Variants in SLC12A7 observed in about 807,000 individuals in gnomAD.
SLC12A7 encodes the protein solute carrier family 12 member 7.
Under a neutral mutation model 120.6 loss-of-function variants are expected in SLC12A7, and 100 were observed. The ratio of observed to expected loss-of-function variants is 0.83; its 90% CI spans 0.71 to 0.98. SLC12A7 has a LOEUF of 0.98. Ranked by LOEUF, SLC12A7 falls within the 50% of genes least tolerant of loss-of-function variation. The pLI is 0.00. For synonymous variants in SLC12A7, 760 were observed against 678.0 expected (o/e 1.12, Z -1.88); for missense variants, 1,373 against 1,548.1 (o/e 0.89, Z 1.90).
chr5:1,097,619 C>T (rs761277761), intron 1 of SLC12A7, among the ~76,000 whole-genome samples: 6 of 152,316 alleles, frequency 3.9e-5, no homozygotes, highest in South Asian at 2.1e-4. Context: ...CAGCGAGGCA[C>T]GACTCTGTCC....
Position 1,050,938 on chromosome 5 carries a change from A to T in SLC12A7, c.*1422T>A, listed in dbSNP as rs1325488281. ...TGTTGATGGGGCTGATTCCCTTGGGAGACCATGCAAGCCAGACGTAGCCCA... is the reference window on the plus strand; with the variant it reads ...TGTTGATGGGGCTGATTCCCTTGGGTGACCATGCAAGCCAGACGTAGCCCA... On this transcript the variant is annotated 3_prime_UTR_variant, in exon 24 of 24. Coordinates refer to ENST00000264930, the MANE Select transcript of SLC12A7 (RefSeq NM_006598.3). The T allele has an allele frequency of 5.0e-6, 2 of 398,524 alleles. No homozygotes were observed. The highest frequency in any genetic ancestry group is 7.1e-5 in the East Asian group (2 of 28,100). 24.7% of individuals were successfully genotyped at this position (398,524 alleles called of 1,614,324 possible). A position where few individuals can be genotyped will look rare whatever the true frequency, so the allele number is the denominator to read the frequency against.
chr5:1,126,349 A>T, the SLC12A7 span, among the ~76,000 whole-genome samples: 1 of 152,216 alleles, frequency 6.6e-6, no homozygotes, highest in Non-Finnish European at 1.5e-5. Context: ...TCGGCCTCCC[A>T]AAGTGCTGGG....
intron 14 of SLC12A7, 72 bp from the exon 15 acceptor site, chr5:1,075,562 G>A: frequency 6.5e-7 from 1 of 1,541,556 alleles, no homozygotes; most frequent in Non-Finnish European, 8.8e-7. Context: ...CCACCACACG[G>A]ACACTGCCCC....
At chr5:1,112,970 T>C (rs1160006774), upstream of SLC12A7, among the ~76,000 whole-genome samples, 3 of 147,220 alleles carry the variant, frequency 2.0e-5, no homozygotes, top group East Asian at 6.3e-4. Flanking sequence ...GAACCCTCCC[T>C]TCCCTCCTTG....
intron 23 of SLC12A7, among the ~76,000 whole-genome samples, chr5:1,053,126 C>T (rs556494075): frequency 1.9e-4 from 29 of 152,174 alleles, no homozygotes; most frequent in Non-Finnish European, 3.2e-4. Context: ...GTACTGTAGG[C>T]GGGCCCTCCC....
At position 1,079,334 on chromosome 5, in the gene SLC12A7, G is replaced by A. The variant is rs1738735737; in HGVS notation, c.1396+64C>T. ...GCCGAGGGTATGATGCTGAGCCGGGGAGGGCATGGGGGCCTCCCCCCAGGC... is the reference window on the plus strand; with the variant it reads ...GCCGAGGGTATGATGCTGAGCCGGGAAGGGCATGGGGGCCTCCCCCCAGGC... On this transcript the variant is annotated intron_variant, in intron 10 of 23. Coordinates refer to ENST00000264930, the MANE Select transcript of SLC12A7 (RefSeq NM_006598.3). 5 of 1,283,820 alleles carry A rather than the reference G, an allele frequency of 3.9e-6. No homozygotes were observed. In the South Asian group the frequency reaches 6.0e-5, roughly 15 times the overall value. The allele number at this position is 1,283,820 out of a possible 1,614,324, so 79.5% of individuals were successfully genotyped here.
In SLC12A7 at chr5:1,060,393, G is replaced by T; in HGVS notation, c.2798C>A (p.Ser933Ter). The change falls in exon 21 of 24, where the codon TCG becomes TAG. Residue 933 changes from serine to a stop codon, truncating the protein, a stop_gained. Transcript: ENST00000264930. LOFTEE classifies it high-confidence loss of function. Reference protein sequence around the residue: ...YERTLMMEQRSQMLKQMQLSK... With the variant: ...YERTLMMEQR ...CAGCTGCATCTGCTTCAGCATCTGC[G>T]ACCTCTGCTCCATCATTAGTGTCCT... The T allele has an allele frequency of 6.2e-7, 1 of 1,613,736 alleles. No individual in the cohort carries two copies. The highest frequency in any genetic ancestry group is 8.5e-7 in the Non-Finnish European group (1 of 1,179,958).
chr5:1,090,007 C>T (rs185159452), intron 3 of SLC12A7, among the ~76,000 whole-genome samples: 25 of 152,350 alleles, frequency 1.6e-4, no homozygotes, highest in Admixed American at 7.2e-4. Context: ...AAGGTCAATA[C>T]GGAAAAGGGG....
At chr5:1,057,217 T>C (rs2150779566) in intron 22 of SLC12A7, 1 of 459,108 alleles carries the variant, frequency 2.2e-6, no homozygotes. Context: ...GGCACCCAGG[T>C]CTTACAAGGA....
At chr5:1,109,490 G>A (rs750777485) in intron 1 of SLC12A7, among the ~76,000 whole-genome samples, 1 of 152,234 alleles carries the variant, frequency 6.6e-6, no homozygotes, top group Non-Finnish European at 1.5e-5. Context: ...CCCAAGAAGT[G>A]CTGAGGGCAC....
At chr5:1,075,284 C>T in intron 15 of SLC12A7, 87 bp downstream of exon 15, 2 of 1,519,832 alleles carry the variant, frequency 1.3e-6, no homozygotes, top group African/African-American at 1.4e-5. Context: ...CCCAGGGAGG[C>T]CCCTCCAGGG....
intron 3 of SLC12A7, among the ~76,000 whole-genome samples, chr5:1,092,897 C>T (rs1740680008): frequency 6.6e-6 from 1 of 152,186 alleles, no homozygotes; most frequent in African/African-American, 2.4e-5. Context: ...CTGTGAGCGT[C>T]ACCTCAGGGC....
At chr5:1,086,693 G>C (rs1255205225) in intron 6 of SLC12A7, among the ~76,000 whole-genome samples, 1 of 152,250 alleles carries the variant, frequency 6.6e-6, no homozygotes, top group East Asian at 1.9e-4. Flanking sequence ...GGGCAGCAAT[G>C]GTGCTCAAGG....
At chr5:1,091,003 C>T (rs1337136627) in intron 3 of SLC12A7, among the ~76,000 whole-genome samples, 3 of 152,188 alleles carry the variant, frequency 2.0e-5, no homozygotes, top group Non-Finnish European at 4.4e-5. Context: ...GAGCCACGGT[C>T]CCCTAAGGGA....
intron 1 of SLC12A7, among the ~76,000 whole-genome samples, chr5:1,101,564 C>T (rs533187156): frequency 2.6e-5 from 4 of 152,222 alleles, no homozygotes; most frequent in East Asian, 1.9e-4. Flanking sequence ...ATGAAGGCGG[C>T]GAGGTCAAGC....
the SLC12A7 span, among the ~76,000 whole-genome samples, chr5:1,151,790 C>T: frequency 1.3e-5 from 2 of 152,128 alleles, no homozygotes; most frequent in East Asian, 1.9e-4. This position sits in a 1 kb window ranked among gnomAD's most constrained non-coding sequence, Gnocchi z 6.2. Context: ...CCTCCCTGAA[C>T]GTCCTGTCCT....
chr5:1,138,022 C>T, the SLC12A7 span, among the ~76,000 whole-genome samples: 1 of 152,238 alleles, frequency 6.6e-6, no homozygotes, highest in East Asian at 1.9e-4. Flanking sequence ...GCACCCGCCC[C>T]TCCTCTTCTC....
rs1394600542 is a variant in SLC12A7, at chr5:1,065,416, G to A, written c.2304C>T (p.Ser768=). The A allele has an allele frequency of 2.3e-5, 37 of 1,612,154 alleles. No individual in the cohort carries two copies. The highest frequency in any genetic ancestry group is 3.0e-5 in the Non-Finnish European group (35 of 1,179,392). The change falls in exon 18 of 24, where the codon TCC becomes TCT. Residue 768 remains serine, a synonymous_variant. Transcript: ENST00000264930. ...GGTGGGACATGCCATCCCGCAGGCTGGACGAGACCACCAGCTGGCAGAAGC... is the reference window on the plus strand; with the variant it reads ...GGTGGGACATGCCATCCCGCAGGCTAGACGAGACCACCAGCTGGCAGAAGC... ...TKGFCQLVVS[S]SLRDGMSHLI...
chr5:1,096,875 A>G (rs1466928600), intron 1 of SLC12A7, among the ~76,000 whole-genome samples: 1 of 63,878 alleles, frequency 1.6e-5, no homozygotes, highest in African/African-American at 6.2e-5. Flanking sequence ...GAAGGGAGGG[A>G]GGGAGGGAAG....
Sources: allele counts gnomAD v4.1 joint callset (sites outside exome capture counted in the v4.1 genomes callset), GRCh38; gene constraint gnomAD v4.1.1; non-coding constraint Gnocchi (gnomAD v3.1); transcripts MANE v1.5; gene names NCBI Gene and HGNC (gene_info 2026-07-23, HGNC 2026-07-21).